Variants in TDRD5 observed in about 807,000 individuals in gnomAD.
TDRD5 encodes tudor domain-containing protein 5.
In TDRD5, 41 loss-of-function variants were observed where a neutral mutation model predicts 120.6. That is an observed-to-expected ratio of 0.34 (90% CI 0.26 to 0.44). TDRD5 has a LOEUF of 0.44. Ranked by LOEUF, TDRD5 falls within the 20% of genes least tolerant of loss-of-function variation. The pLI, the probability that TDRD5 is intolerant of heterozygous loss-of-function variation, is 1.00. For missense variants in TDRD5, 1,006 were observed against 1,221.2 expected (o/e 0.82, Z 2.63); for synonymous variants, 430 against 433.7 (o/e 0.99, Z 0.11).
At chr1:179,592,316 G>A in intron 1 of TDRD5, 191 bp downstream of exon 1, 1 of 350,054 alleles carries the variant, frequency 2.9e-6, no homozygotes, top group Non-Finnish European at 5.4e-6. Context: ...GAAGGCTTCG[G>A]ATGGGAAGTT....
At chr1:179,690,299 A>G (rs1183244653) in intron 17 of TDRD5, among the ~76,000 whole-genome samples, 3 of 152,220 alleles carry the variant, frequency 2.0e-5, no homozygotes, top group Non-Finnish European at 4.4e-5. Context: ...TGGAATTGGA[A>G]CAACTGTGGC....
intron 16 of TDRD5, 31 bp from the exon 17 acceptor site, chr1:179,669,163 A>T (rs762160190): frequency 3.1e-6 from 5 of 1,590,016 alleles, no homozygotes; most frequent in Non-Finnish European, 4.3e-6. Context: ...AACACTTTTC[A>T]TGTTTTTGCC....
At chr1:179,625,958 G>A (rs1211044454) in intron 6 of TDRD5, among the ~76,000 whole-genome samples, 3 of 151,558 alleles carry the variant, frequency 2.0e-5, no homozygotes, top group Admixed American at 6.6e-5. Context: ...GTAAACCATC[G>A]CAAGAACAAA....
At chr1:179,686,591 T>G (rs1680727864) in intron 17 of TDRD5, among the ~76,000 whole-genome samples, 1 of 152,242 alleles carries the variant, frequency 6.6e-6, no homozygotes, top group Non-Finnish European at 1.5e-5. Context: ...CTTTTTCTAT[T>G]GATTGAAATA....
Position 179,650,960 on chromosome 1 carries a change from C to T in TDRD5, c.1894C>T (p.Leu632Phe). Residue 632 changes from leucine to phenylalanine, a missense_variant, in exon 12 of 18, where the codon CTT (leucine) becomes TTT (phenylalanine). By Grantham distance (22) the Leu-to-Phe change is conservative. Coordinates refer to ENST00000444136, the MANE Select transcript of TDRD5 (RefSeq NM_001199085.3). ...GVVDEYVDGI[L>F]NIFLCDTSSN... is the part of the protein sequence containing the mutation. ...AGTGGATGAATATGTAGATGGAATC[C>T]TTAACATTTTTTTGTGTGACACATC... The T allele has an allele frequency of 3.1e-6, 5 of 1,614,054 alleles. No homozygotes were observed. The highest frequency in any genetic ancestry group is 4.2e-6 in the Non-Finnish European group (5 of 1,180,006).
At chr1:179,665,937 T>C (rs1459069335) in intron 16 of TDRD5, among the ~76,000 whole-genome samples, 1 of 152,170 alleles carries the variant, frequency 6.6e-6, no homozygotes, top group Non-Finnish European at 1.5e-5. Context: ...TCAGCCTCTT[T>C]CTACTGGAGT....
chr1:179,601,556 T>A (rs528196478), intron 4 of TDRD5, among the ~76,000 whole-genome samples: 1 of 152,306 alleles, frequency 6.6e-6, no homozygotes, highest in South Asian at 2.1e-4. Flanking sequence ...AGAATAATAG[T>A]CTCCAGTCTC....
chr1:179,600,964 G>C (rs1199167759), intron 4 of TDRD5, among the ~76,000 whole-genome samples: 2 of 151,908 alleles, frequency 1.3e-5, no homozygotes, highest in East Asian at 3.8e-4. Context: ...ATTTCATTGT[G>C]GTCCAACAAC....
At chr1:179,656,094 G>C (rs1315556066) in intron 14 of TDRD5, among the ~76,000 whole-genome samples, 4 of 152,092 alleles carry the variant, frequency 2.6e-5, no homozygotes, top group African/African-American at 9.7e-5. Flanking sequence ...CCATTTTCTT[G>C]TCAGCACTTG....
chr1:179,675,765 G>T (rs1420982042), intron 17 of TDRD5, among the ~76,000 whole-genome samples: 1 of 152,108 alleles, frequency 6.6e-6, no homozygotes, highest in Non-Finnish European at 1.5e-5. Context: ...ATTTACTGAG[G>T]CTTGTTTTGT....
intron 4 of TDRD5, among the ~76,000 whole-genome samples, chr1:179,610,586 G>A (rs542675002): frequency 6.6e-6 from 1 of 152,168 alleles, no homozygotes; most frequent in Middle Eastern, 3.4e-3. Flanking sequence ...AGGATTCTGT[G>A]TGGTTATTAA....
chr1:179,687,525 T>A (rs929106560), intron 17 of TDRD5, among the ~76,000 whole-genome samples: 6 of 152,330 alleles, frequency 3.9e-5, no homozygotes, highest in Non-Finnish European at 8.8e-5. Context: ...TTCTGTTGAT[T>A]TGGAGTGGAG....
At chr1:179,617,879 G>A (rs1676641729) in intron 4 of TDRD5, among the ~76,000 whole-genome samples, 1 of 152,078 alleles carries the variant, frequency 6.6e-6, no homozygotes, top group African/African-American at 2.4e-5. Flanking sequence ...AGACTCTACT[G>A]TCTTAACTCA....
intron 3 of TDRD5, among the ~76,000 whole-genome samples, chr1:179,594,204 G>A (rs572357623): frequency 1.3e-5 from 2 of 152,254 alleles, no homozygotes; most frequent in South Asian, 4.1e-4. Flanking sequence ...TTACATGAAT[G>A]TGTTCATATA....
chr1:179,630,648 C>A, intron 6 of TDRD5, 119 bp from the exon 7 acceptor site: 1 of 1,013,682 alleles, frequency 9.9e-7, no homozygotes, highest in Non-Finnish European at 1.4e-6. Flanking sequence ...AGCCTTTACT[C>A]TGTAATACTT....
chr1:179,613,208 T>G (rs1676379318), intron 4 of TDRD5, among the ~76,000 whole-genome samples: 1 of 152,194 alleles, frequency 6.6e-6, no homozygotes, highest in Non-Finnish European at 1.5e-5. Context: ...TTTCACCTGA[T>G]AACCTGACTC....
chr1:179,601,639 C>T (rs554542508), intron 4 of TDRD5, among the ~76,000 whole-genome samples: 5 of 152,250 alleles, frequency 3.3e-5, no homozygotes, highest in Admixed American at 2.0e-4. Flanking sequence ...TATATAGATA[C>T]CATAGTTTCT....
intron 11 of TDRD5, among the ~76,000 whole-genome samples, chr1:179,646,537 C>T (rs1274271697): frequency 6.8e-6 from 1 of 147,430 alleles, no homozygotes; most frequent in Non-Finnish European, 1.5e-5. Flanking sequence ...CCTTTGAAAA[C>T]TGGCACAAGA....
chr1:179,627,677 A>G (rs1208260751), intron 6 of TDRD5, among the ~76,000 whole-genome samples: 1 of 152,226 alleles, frequency 6.6e-6, no homozygotes, highest in Admixed American at 6.5e-5. Context: ...TTCAGGCTAC[A>G]ATAAGGATAA....
Sources: allele counts gnomAD v4.1 joint callset (sites outside exome capture counted in the v4.1 genomes callset), GRCh38; gene constraint gnomAD v4.1.1; transcripts MANE v1.5; gene names NCBI Gene and HGNC (gene_info 2026-07-23, HGNC 2026-07-21).